NAV2: variants seen among roughly 807,000 people sequenced by gnomAD.
The protein encoded by NAV2 is neuron navigator 2, also known as helicase, APC down-regulated 1.
A neutral mutation model predicts 223.2 loss-of-function variants in NAV2; 54 were observed. The observed-to-expected ratio is 0.24, with a 90% CI of 0.19 to 0.30. NAV2 has a LOEUF of 0.30. Among genes scored for constraint, NAV2 ranks in the 10% least tolerant of loss-of-function variants. The probability of loss-of-function intolerance (pLI) is 1.00; values close to 1 mark genes in which losing one functional copy is unlikely to be tolerated. For missense variants in NAV2, 2,806 were observed against 3,147.5 expected (o/e 0.89, Z 2.60); for synonymous variants, 1,279 against 1,239.3 (o/e 1.03, Z -0.67).
At chr11:19,351,044 T>C (rs933332267) in intron 1 of NAV2, 2 of 1,535,432 alleles carry the variant, frequency 1.3e-6, no homozygotes, top group Non-Finnish European at 1.8e-6. Flanking sequence ...GGCAGAACTT[T>C]GTTGGTTGAT....
chr11:19,965,615 T>C (rs183028015), intron 10 of NAV2, among the ~76,000 whole-genome samples: 5 of 152,352 alleles, frequency 3.3e-5, no homozygotes, highest in African/African-American at 9.6e-5. Flanking sequence ...ATTCCACACA[T>C]TGGTGAGAGA....
rs755478581 is a variant in NAV2 at position 19,933,530 on chromosome 11, G to T, written c.1286G>T (p.Arg429Leu). Residue 429 changes from arginine to leucine, a missense_variant, in exon 7 of 38, where the codon CGG becomes CTG. Coordinates refer to ENST00000349880, the MANE Select transcript of NAV2 (RefSeq NM_145117.5). This position sits in a 1 kb window ranked among gnomAD's most constrained non-coding sequence, Gnocchi z 4.3. ...GGGTCCCGGGACACAAGCTGTGAGCGGCTGGAGACTCTGCCCAGCTTCGAA... is the reference window on the plus strand; with the variant it reads ...GGGTCCCGGGACACAAGCTGTGAGCTGCTGGAGACTCTGCCCAGCTTCGAA... ...GPGSRDTSCE[R>L]LETLPSFEES... 45 of 1,609,822 alleles carry T rather than the reference G, an allele frequency of 2.8e-5. No homozygotes were observed. The highest frequency in any genetic ancestry group is 3.4e-5 in the Non-Finnish European group (40 of 1,177,926).
chr11:19,609,144 C>T (rs532482788), intron 1 of NAV2, among the ~76,000 whole-genome samples: 4 of 152,136 alleles, frequency 2.6e-5, no homozygotes, highest in African/African-American at 7.2e-5. Flanking sequence ...GGGATTGGGT[C>T]GCAGACATCT....
At chr11:19,624,993 T>C (rs2047123044) in intron 1 of NAV2, among the ~76,000 whole-genome samples, 1 of 152,232 alleles carries the variant, frequency 6.6e-6, no homozygotes, top group Non-Finnish European at 1.5e-5. Context: ...TTTTGATACA[T>C]ATAATGTATA....
chr11:19,818,389 C>T (rs1289258613), intron 1 of NAV2, among the ~76,000 whole-genome samples: 2 of 151,540 alleles, frequency 1.3e-5, no homozygotes, highest in Non-Finnish European at 2.9e-5. Context: ...TTTAATTTAC[C>T]CACTCTGAGC....
intron 19 of NAV2, 62 bp from the exon 20 acceptor site, chr11:20,062,245 T>A: frequency 8.2e-7 from 1 of 1,225,694 alleles, no homozygotes; most frequent in East Asian, 2.3e-5. Context: ...TCTCCTCCCC[T>A]GTCCCCTTTT....
intron 1 of NAV2, among the ~76,000 whole-genome samples, chr11:19,602,223 G>A (rs2046368624): frequency 6.7e-6 from 1 of 148,462 alleles, no homozygotes; most frequent in Non-Finnish European, 1.5e-5. Context: ...TGTTGCCCAG[G>A]CTGGAATGCA....
intron 10 of NAV2, among the ~76,000 whole-genome samples, chr11:19,970,896 G>A (rs925507268): frequency 3.9e-5 from 6 of 152,166 alleles, no homozygotes; most frequent in African/African-American, 1.2e-4. Context: ...ATGTTCTGTA[G>A]TTCCATGAAA....
chr11:19,903,486 T>C (rs2042614550), intron 6 of NAV2, among the ~76,000 whole-genome samples: 1 of 152,190 alleles, frequency 6.6e-6, no homozygotes, highest in Admixed American at 6.5e-5. Flanking sequence ...TGGCCTGGCC[T>C]GCTTCCTTCA....
chr11:19,635,610 T>C (rs1243074087), intron 1 of NAV2, among the ~76,000 whole-genome samples: 1 of 152,114 alleles, frequency 6.6e-6, no homozygotes, highest in Non-Finnish European at 1.5e-5. Flanking sequence ...TTCAAAGAGA[T>C]CACATAGCAA....
intron 1 of NAV2, among the ~76,000 whole-genome samples, chr11:19,613,488 G>A (rs2046700876): frequency 6.6e-6 from 1 of 152,212 alleles, no homozygotes; most frequent in East Asian, 1.9e-4. Context: ...AAGGTCCTGT[G>A]TTTGCTAGGT....
intron 1 of NAV2, among the ~76,000 whole-genome samples, chr11:19,772,807 G>A (rs990427522): frequency 3.3e-5 from 5 of 152,156 alleles, no homozygotes; most frequent in African/African-American, 9.7e-5. Flanking sequence ...TCCCCTGGCC[G>A]GCCCCCACCG....
rs777780008 is a variant in NAV2 at position 20,048,919 on chromosome 11, C to A, written c.4094C>A (p.Ser1365Tyr). The A allele has an allele frequency of 6.2e-7, 1 of 1,614,192 alleles. No homozygotes were observed. Among genetic ancestry groups the A allele is most frequent in the Admixed American group, 1.7e-5 (1 of 60,030 alleles). The change falls in exon 15 of 38, where the codon TCT (serine) becomes TAT (tyrosine). Residue 1365 changes from serine (S) to tyrosine (Y), a missense_variant. Physicochemically the swap from Ser to Tyr is moderately radical, Grantham distance 144. Transcript: ENST00000349880. ...LYSKNVDLNQ[S>Y]PLASSPSSAH... ...AGCAAGAATGTGGACCTCAACCAGTCTCCGCTAGCCTCCAGCCCCAGCTCA... is the reference window on the plus strand; with the variant it reads ...AGCAAGAATGTGGACCTCAACCAGTATCCGCTAGCCTCCAGCCCCAGCTCA...
intron 1 of NAV2, among the ~76,000 whole-genome samples, chr11:19,680,037 C>T (rs1054861767): frequency 6.6e-6 from 1 of 152,150 alleles, no homozygotes. Context: ...TGGGCCATCC[C>T]ATTTGGCTGG....
At chr11:20,011,037 C>T (rs1283677700) in intron 11 of NAV2, among the ~76,000 whole-genome samples, 1 of 152,218 alleles carries the variant, frequency 6.6e-6, no homozygotes, top group African/African-American at 2.4e-5. Flanking sequence ...TCTCCGCAGG[C>T]CTGCCTATGC....
intron 1 of NAV2, among the ~76,000 whole-genome samples, chr11:19,771,490 C>T (rs1224603981): frequency 6.6e-6 from 1 of 151,994 alleles, no homozygotes; most frequent in Non-Finnish European, 1.5e-5. Context: ...GGAGGTGTGA[C>T]CATACATGAC....
At chr11:19,510,072 G>C (rs2043232134) in intron 1 of NAV2, among the ~76,000 whole-genome samples, 1 of 152,172 alleles carries the variant, frequency 6.6e-6, no homozygotes, top group Non-Finnish European at 1.5e-5. Context: ...ATGCAAGTTG[G>C]AGAAATACCA....
intron 1 of NAV2, among the ~76,000 whole-genome samples, chr11:19,474,354 C>A (rs544502059): frequency 6.6e-6 from 1 of 152,372 alleles, no homozygotes; most frequent in Non-Finnish European, 1.5e-5. Flanking sequence ...TGAGAAAGTT[C>A]TTGATCTGCT....
At chr11:19,923,614 T>C (rs967111678) in intron 6 of NAV2, among the ~76,000 whole-genome samples, 1 of 152,238 alleles carries the variant, frequency 6.6e-6, no homozygotes, top group African/African-American at 2.4e-5. Flanking sequence ...ATTCCTTAAC[T>C]AACTCTATCT....
Sources: gnomAD v4.1 joint callset for allele counts (sites outside exome capture counted in the v4.1 genomes callset) on GRCh38, gnomAD v4.1.1 for gene constraint, Gnocchi (gnomAD v3.1) non-coding constraint, MANE v1.5 for transcripts, NCBI Gene and HGNC (gene_info 2026-07-23, HGNC 2026-07-21) for gene names.